OR7C1: variants seen among roughly 807,000 people sequenced by gnomAD.
OR7C1 encodes olfactory receptor family 7 subfamily C member 1.
For missense variants in OR7C1, 324 were observed against 383.3 expected (o/e 0.85, Z 1.29); for synonymous variants, 152 against 160.7 (o/e 0.95, Z 0.41).
At chr19:14,824,329 A>C (rs2044754908) in intron 1 of OR7C1, 1 of 152,256 alleles carries the variant, frequency 6.6e-6, no homozygotes, top group Non-Finnish European at 1.5e-5. Context: ...CCCATCACCC[A>C]GGTAGTGAGT....
At chr19:14,815,176 T>C (rs2044710489) in intron 1 of OR7C1, among the ~76,000 whole-genome samples, 1 of 152,194 alleles carries the variant, frequency 6.6e-6, no homozygotes, top group Admixed American at 6.5e-5. Flanking sequence ...AAGAGACTGA[T>C]TGGGCAACTT....
chr19:14,805,242 A>C (rs1267392349), intron 2 of OR7C1, among the ~76,000 whole-genome samples: 2 of 151,394 alleles, frequency 1.3e-5, no homozygotes, highest in Non-Finnish European at 2.9e-5. Context: ...AAAATCTGAG[A>C]GTTCTTGGGG....
chr19:14,798,868 T>G, exon 5 of OR7C1: 1 of 234,220 alleles, frequency 4.3e-6, no homozygotes, highest in Middle Eastern at 1.6e-3. Context: ...GCTAGCCCTT[T>G]TCTATTGGCG....
intron 2 of OR7C1, among the ~76,000 whole-genome samples, chr19:14,807,850 T>G (rs2044672682): frequency 1.3e-5 from 2 of 151,402 alleles, no homozygotes; most frequent in South Asian, 2.1e-4. Context: ...GAGCCGAGAT[T>G]GTGCCACTGC....
At chr19:14,808,897 A>T (rs1211464621) in intron 2 of OR7C1, among the ~76,000 whole-genome samples, 3 of 152,028 alleles carry the variant, frequency 2.0e-5, no homozygotes, top group Non-Finnish European at 4.4e-5. Context: ...TTGGTGAAAT[A>T]TATTTTGATT....
intron 1 of OR7C1, among the ~76,000 whole-genome samples, chr19:14,814,834 G>A (rs144950204): frequency 7.2e-5 from 11 of 152,178 alleles, no homozygotes; most frequent in African/African-American, 1.4e-4. Flanking sequence ...AACACACCTC[G>A]TTATACCCCT....
chr19:14,808,099 TAA>T (rs35454647), intron 2 of OR7C1, among the ~76,000 whole-genome samples: 32,629 of 135,300 alleles, frequency 0.24, 4,811 homozygotes, highest in African/African-American at 0.42. Context: ...TTTAAAGAAA[TAA>T]AAAAAAAAAA....
At chr19:14,830,733 C>T (rs749245730) in intron 1 of OR7C1, among the ~76,000 whole-genome samples, 12 of 151,954 alleles carry the variant, frequency 7.9e-5, no homozygotes, top group Non-Finnish European at 1.5e-4. Context: ...CTGTGGAGTC[C>T]TAATTAGGGA....
chr19:14,815,968 C>T (rs1248344251), intron 1 of OR7C1, among the ~76,000 whole-genome samples: 1 of 152,092 alleles, frequency 6.6e-6, no homozygotes, highest in Non-Finnish European at 1.5e-5. Flanking sequence ...ACTACAGGAA[C>T]ATGCCACCAT....
chr19:14,823,041 CGTTG>C (rs776429095), intron 1 of OR7C1, among the ~76,000 whole-genome samples: 11 of 152,204 alleles, frequency 7.2e-5, no homozygotes, highest in South Asian at 2.1e-4. Context: ...TTTTCACTTT[CGTTG>C]CCTGTGTTTT....
chr19:14,834,660 G>GA (rs59339517), intron 1 of OR7C1, among the ~76,000 whole-genome samples: 18,386 of 152,164 alleles, frequency 0.12, 1,243 homozygotes, highest in East Asian at 0.23. Flanking sequence ...CACGGGCATA[G>GA]AATCAAACTG....
intron 1 of OR7C1, among the ~76,000 whole-genome samples, chr19:14,822,195 A>T (rs770721487): frequency 6.6e-6 from 1 of 151,996 alleles, no homozygotes; most frequent in Non-Finnish European, 1.5e-5. Context: ...CAACATACTG[A>T]TTTCATTTCC....
chr19:14,827,339 C>CA, intron 1 of OR7C1: 1 of 1,592,712 alleles, frequency 6.3e-7, no homozygotes, highest in Non-Finnish European at 8.5e-7. Context: ...AATGTATTCC[C>CA]AGAGCCCTCT....
At chr19:14,832,660 C>T (rs567101073) in intron 1 of OR7C1, among the ~76,000 whole-genome samples, 49 of 151,180 alleles carry the variant, frequency 3.2e-4, no homozygotes, top group African/African-American at 9.0e-4. Context: ...CTCCTGACCC[C>T]GTGATCCACC....
chr19:14,800,011 G>T lies in OR7C1; in HGVS notation c.126C>A (p.Asn42Lys), dbSNP rs1336453849. The T allele has an allele frequency of 6.8e-6, 11 of 1,614,008 alleles. No homozygotes were observed. Among genetic ancestry groups the T allele is most frequent in the Non-Finnish European group, 9.3e-6 (11 of 1,180,044 alleles). ...AGCATATGGCCAGGATGATGAGCAG[G>T]TTCCCGGTGAAAGTGACTAGGTACA... Residue 42 changes from asparagine to lysine, a missense_variant, in exon 5 of 5, where the codon AAC becomes AAA. Physicochemically the swap from Asn to Lys is moderately conservative, Grantham distance 94. Transcript: ENST00000641666.
intron 2 of OR7C1, among the ~76,000 whole-genome samples, chr19:14,803,354 G>A (rs76946635): frequency 0.021 from 3,102 of 150,872 alleles, 77 homozygotes; most frequent in East Asian, 0.072. Context: ...CAGGTGTGAC[G>A]TTTACATAGT....
chr19:14,808,408 A>T (rs980630689), intron 2 of OR7C1, among the ~76,000 whole-genome samples: 3 of 152,048 alleles, frequency 2.0e-5, no homozygotes. Flanking sequence ...AAAATGTGGT[A>T]TATATACAGC....
intron 2 of OR7C1, among the ~76,000 whole-genome samples, chr19:14,802,044 A>G (rs2147644914): frequency 6.6e-6 from 1 of 152,344 alleles, no homozygotes; most frequent in African/African-American, 2.4e-5. Context: ...GTTTAGAGCA[A>G]CAAAGTGAAT....
exon 5 of OR7C1, chr19:14,799,444 A>G (rs1216673394): frequency 6.2e-7 from 1 of 1,614,250 alleles, no homozygotes; most frequent in Admixed American, 1.7e-5. Flanking sequence ...GCTTTCTCCC[A>G]GCTGAGGAAA....
Sources: gnomAD v4.1 joint callset for allele counts (sites outside exome capture counted in the v4.1 genomes callset) on GRCh38, gnomAD v4.1.1 for gene constraint, MANE v1.5 for transcripts, NCBI Gene and HGNC (gene_info 2026-07-23, HGNC 2026-07-21) for gene names.